Variants in WDR17 observed in about 807,000 individuals in gnomAD.
The protein encoded by WDR17 is WD repeat domain 17, also known as WD repeat-containing protein 17.
In WDR17, 143 loss-of-function variants were observed where a neutral mutation model predicts 161.7. That is an observed-to-expected ratio of 0.88 (90% CI 0.77 to 1.02). The LOEUF is 1.02. WDR17 is among the 50% of genes least tolerant of loss of function. The pLI, the probability that WDR17 is intolerant of heterozygous loss-of-function variation, is 0.00. For missense variants in WDR17, 1,469 were observed against 1,520.9 expected, an observed-to-expected ratio of 0.97 and a Z score of 0.57; for synonymous variants, 517 against 515.6, an observed-to-expected ratio of 1.00 and a Z score of -0.04.
At chr4:176,152,105 T>C (rs1747225783) in intron 17 of WDR17, 138 bp downstream of exon 17, 1 of 758,264 alleles carries the variant, frequency 1.3e-6, no homozygotes, top group South Asian at 2.0e-5. Context: ...AGCCCAGGAG[T>C]TCGATACTAG....
rs77119360 is a variant in WDR17 at position 176,142,023 on chromosome 4, A to C, written c.1483A>C (p.Lys495Gln). Residue 495 changes from lysine to glutamine, a missense_variant, in exon 11 of 29, where the codon AAA (lysine) becomes CAA (glutamine). Transcript: ENST00000508596. ...TGATGGTAAAGTGCTACACAAATATAAACATCCAGCTGCAGTGTTTGGTTG... is the reference window on the plus strand; with the variant it reads ...TGATGGTAAAGTGCTACACAAATATCAACATCCAGCTGCAGTGTTTGGTTG... ...TIDGKVLHKY[K>Q]HPAAVFGCDW... 339 of 1,610,320 alleles carry C rather than the reference A, an allele frequency of 2.1e-4. 1 individual carries two copies. In the East Asian group the frequency reaches 7.4e-3, roughly 35 times the overall value.
chr4:176,125,268 A>G lies in WDR17; in HGVS notation c.703A>G (p.Ile235Val). ...GGTAGATTCTGAATCACTTTCTTGC[A>G]TAACAACATTTAATCTTCCCAGTGC... ...RLVDSESLSCITTFNLPSAAA... is the reference protein window; with the variant it reads ...RLVDSESLSCVTTFNLPSAAA... The change falls in exon 5 of 29, where the codon ATA (isoleucine) becomes GTA (valine). Residue 235 changes from isoleucine (I) to valine (V), a missense_variant. Physicochemically the swap from Ile to Val is conservative, Grantham distance 29 (BLOSUM62 3). Transcript: ENST00000508596. 4.3e-6 allele frequency: 7 copies of G among 1,614,174 alleles called. No homozygotes were observed. Among genetic ancestry groups the G allele is most frequent in the Non-Finnish European group, 5.1e-6 (6 of 1,180,030 alleles).
At chr4:176,130,606 G>A (rs927700085) in intron 6 of WDR17, among the ~76,000 whole-genome samples, 32 of 151,934 alleles carry the variant, frequency 2.1e-4, no homozygotes, top group South Asian at 1.0e-3. Flanking sequence ...TTAGCCGGGC[G>A]TGGTGGCAGG....
intron 1 of WDR17, among the ~76,000 whole-genome samples, chr4:176,110,368 C>A (rs1245424948): frequency 6.6e-6 from 1 of 152,108 alleles, no homozygotes; most frequent in African/African-American, 2.4e-5. Flanking sequence ...CGTCGTGATC[C>A]GCCCTCTTCG....
At chr4:176,074,482 A>G (rs1480932521) in intron 1 of WDR17, among the ~76,000 whole-genome samples, 3 of 151,926 alleles carry the variant, frequency 2.0e-5, no homozygotes, top group Non-Finnish European at 4.4e-5. Context: ...AAAAGGACAG[A>G]GTCTCACTTT....
At chr4:176,140,484 T>C (rs1313672301) in intron 10 of WDR17, among the ~76,000 whole-genome samples, 1 of 152,176 alleles carries the variant, frequency 6.6e-6, no homozygotes, top group Non-Finnish European at 1.5e-5. Context: ...CCCTGTGTTT[T>C]AGAAATATGT....
intron 22 of WDR17, among the ~76,000 whole-genome samples, 196 bp downstream of exon 22, chr4:176,163,489 G>T (rs530467186): frequency 1.4e-3 from 206 of 152,244 alleles, no homozygotes; most frequent in African/African-American, 4.9e-3. Flanking sequence ...AATGAAATTT[G>T]CCATGATCCA....
intron 10 of WDR17, among the ~76,000 whole-genome samples, 176 bp from the exon 11 acceptor site, chr4:176,141,807 C>A (rs1268737327): frequency 6.6e-6 from 1 of 152,154 alleles, no homozygotes; most frequent in African/African-American, 2.4e-5. Context: ...TTAAGAGTTG[C>A]AAATATACTT....
Position 176,121,390 on chromosome 4 carries a change from A to C in WDR17, c.538+1293A>C, listed in dbSNP as rs1049819254. On this transcript the variant is annotated intron_variant, in intron 4 of 28. Transcript: ENST00000508596. ...CAGTCTTCCTTAGTCTCAGGAATGC[A>C]ATCTATAATAAATATGGCTGTATGC... is the stretch of plus-strand genomic sequence containing the variant. Among the ~76,000 whole-genome samples, 3 of 152,256 alleles carry C rather than the reference A, an allele frequency of 2.0e-5. No individual in the cohort carries two copies. In the East Asian group the frequency reaches 5.8e-4, roughly 29 times the overall value.
chr4:176,161,653 C>T (rs1457046712), intron 20 of WDR17, among the ~76,000 whole-genome samples: 2 of 152,154 alleles, frequency 1.3e-5, no homozygotes, highest in East Asian at 1.9e-4. Context: ...ATAATGTATT[C>T]TTGCCTGGAT....
intron 1 of WDR17, among the ~76,000 whole-genome samples, chr4:176,095,801 T>C (rs921720453): frequency 2.6e-5 from 4 of 152,058 alleles, no homozygotes; most frequent in African/African-American, 9.7e-5. Context: ...CATCTAAACA[T>C]TACAGAGGAT....
intron 6 of WDR17, among the ~76,000 whole-genome samples, 187 bp downstream of exon 6, chr4:176,129,047 T>TA (rs1405747569): frequency 6.6e-6 from 1 of 152,062 alleles, no homozygotes; most frequent in Non-Finnish European, 1.5e-5. Flanking sequence ...AAATTGAAAA[T>TA]ATTTAGAGTC....
At chr4:176,071,415 C>T (rs1349671288) in intron 1 of WDR17, among the ~76,000 whole-genome samples, 1 of 151,714 alleles carries the variant, frequency 6.6e-6, no homozygotes, top group African/African-American at 2.4e-5. Flanking sequence ...CTCCAGCTCC[C>T]GGATTCAAGC....
At chr4:176,099,605 A>G (rs180965752) in intron 1 of WDR17, among the ~76,000 whole-genome samples, 3 of 152,176 alleles carry the variant, frequency 2.0e-5, no homozygotes, top group Admixed American at 6.6e-5. Flanking sequence ...AATAATTTAT[A>G]TAAAATTATG....
chr4:176,114,342 A>G (rs1561120410), intron 2 of WDR17, among the ~76,000 whole-genome samples: 2 of 152,112 alleles, frequency 1.3e-5, no homozygotes, highest in African/African-American at 4.8e-5. Flanking sequence ...TAATGTTTTA[A>G]TCCAAAGTTG....
intron 22 of WDR17, among the ~76,000 whole-genome samples, chr4:176,167,613 C>G (rs866146471): frequency 7.8e-6 from 1 of 129,012 alleles, no homozygotes; most frequent in Non-Finnish European, 1.6e-5. Flanking sequence ...CGCCACTGCA[C>G]TCCAGCCTGG....
chr4:176,148,232 A>G lies in WDR17; in HGVS notation c.1794A>G (p.Pro598=), dbSNP rs1579189209. The G allele has an allele frequency of 1.2e-6, 2 of 1,614,052 alleles. No homozygotes were observed. The highest frequency in any genetic ancestry group is 1.1e-5 in the South Asian group (1 of 91,084). The change falls in exon 13 of 29, where the codon CCA becomes CCG. Residue 598 remains proline (P), a synonymous_variant. Transcript: ENST00000508596. The part of the protein sequence containing the change: ...VRGLMWNTEI[P]YLLISGSWDY... ...GATTAATGTGGAATACTGAGATTCC[A>G]TATCTGCTCATATCTGGCAGCTGGG...
intron 1 of WDR17, among the ~76,000 whole-genome samples, chr4:176,089,115 G>A (rs1561080778): frequency 6.6e-6 from 1 of 152,030 alleles, no homozygotes; most frequent in Non-Finnish European, 1.5e-5. Flanking sequence ...TGGATTTTTA[G>A]TATGTAATTT....
At chr4:176,067,374 TA>T (rs2126530748) in intron 1 of WDR17, among the ~76,000 whole-genome samples, 1 of 152,324 alleles carries the variant, frequency 6.6e-6, no homozygotes, top group African/African-American at 2.4e-5. Flanking sequence ...TGGGAAGTTT[TA>T]AAGCAATGAC....
Sources: gnomAD v4.1 joint callset for allele counts (sites outside exome capture counted in the v4.1 genomes callset) on GRCh38, gnomAD v4.1.1 for gene constraint, MANE v1.5 for transcripts, NCBI Gene and HGNC (gene_info 2026-07-23, HGNC 2026-07-21) for gene names.